The following TEC variants were observed in gnomAD, a reference collection of about 807,000 sequenced individuals.
The protein encoded by TEC is tyrosine-protein kinase Tec.
Under a neutral mutation model 93.0 loss-of-function variants are expected in TEC, and 72 were observed. The observed-to-expected ratio is 0.77, with a 90% CI of 0.64 to 0.94. The LOEUF (loss-of-function observed/expected upper bound fraction) is 0.94, where lower values mean the gene tolerates loss of function less well. TEC is among the 40% of genes least tolerant of loss of function. The pLI is 0.00. For synonymous variants in TEC, 249 were observed against 247.7 expected, an observed-to-expected ratio of 1.01 and a Z score of -0.05; for missense variants, 630 against 757.9, an observed-to-expected ratio of 0.83 and a Z score of 1.98.
chr4:48,139,953 T>A (rs1247766129), intron 15 of TEC, among the ~76,000 whole-genome samples: 1 of 152,174 alleles, frequency 6.6e-6, no homozygotes, highest in East Asian at 1.9e-4. Context: ...GAGTCTGAAT[T>A]TAGGGTATAA....
chr4:48,211,586 A>G (rs1468829195), intron 2 of TEC, among the ~76,000 whole-genome samples: 2 of 152,206 alleles, frequency 1.3e-5, no homozygotes, highest in African/African-American at 4.8e-5. Context: ...ACTAAATTAC[A>G]AATATATTGC....
Position 48,167,963 on chromosome 4 carries a change from G to A in TEC, c.496-10C>T, listed in dbSNP as rs551354875. 1 of 1,612,992 alleles carries A rather than the reference G, an allele frequency of 6.2e-7. No individual in the cohort carries two copies. The highest frequency in any genetic ancestry group is 1.3e-5 in the African/African-American group (1 of 74,930). ...GTGGGGGAGGCCTTCGCTAGACAAG[G>A]AAGATAACATTTGAAAGTTTAGTCT... is the stretch of plus-strand genomic sequence containing the variant. On this transcript the variant is annotated splice_polypyrimidine_tract_variant and intron_variant, in intron 6 of 17. Transcript: ENST00000381501.
At chr4:48,182,926 A>C (rs1244135280) in intron 2 of TEC, among the ~76,000 whole-genome samples, 2 of 152,156 alleles carry the variant, frequency 1.3e-5, no homozygotes, top group Non-Finnish European at 2.9e-5. Flanking sequence ...TCCTTTTCCC[A>C]AGGCATCCAG....
intron 7 of TEC, among the ~76,000 whole-genome samples, chr4:48,164,370 C>T (rs182176366): frequency 7.2e-5 from 11 of 152,080 alleles, no homozygotes; most frequent in African/African-American, 4.8e-5. Flanking sequence ...TATGTGAGGT[C>T]AAAAAATGTC....
chr4:48,194,390 G>A (rs1208812579), intron 2 of TEC, among the ~76,000 whole-genome samples: 1 of 152,168 alleles, frequency 6.6e-6, no homozygotes, highest in African/African-American at 2.4e-5. Flanking sequence ...CATTAACCTG[G>A]TCTTTAAATC....
chr4:48,240,422 A>G (rs1577665723), intron 1 of TEC, among the ~76,000 whole-genome samples: 1 of 152,110 alleles, frequency 6.6e-6, no homozygotes, highest in Non-Finnish European at 1.5e-5. Context: ...CCCAAGGACC[A>G]TTATTACTGC....
At chr4:48,249,297 T>C (rs1724140483) in intron 1 of TEC, among the ~76,000 whole-genome samples, 1 of 152,220 alleles carries the variant, frequency 6.6e-6, no homozygotes, top group African/African-American at 2.4e-5. Flanking sequence ...TAGGTTGCTA[T>C]CTGGTTAATT....
chr4:48,227,154 A>C (rs7655845), intron 2 of TEC, among the ~76,000 whole-genome samples: 338 of 152,306 alleles, frequency 2.2e-3, no homozygotes, highest in African/African-American at 7.9e-3. Flanking sequence ...TATGCTCCTA[A>C]ATTACATGAA....
chr4:48,165,884 T>C (rs370931924), intron 7 of TEC, among the ~76,000 whole-genome samples: 2 of 152,316 alleles, frequency 1.3e-5, no homozygotes, highest in African/African-American at 4.8e-5. Flanking sequence ...AATTACATAA[T>C]TGGTTCCATC....
intron 14 of TEC, among the ~76,000 whole-genome samples, chr4:48,143,439 C>T (rs1001067461): frequency 4.6e-5 from 7 of 152,148 alleles, no homozygotes; most frequent in Admixed American, 3.9e-4. Context: ...TTTTAACTGA[C>T]GAGATGTTCT....
At chr4:48,150,754 T>C in intron 10 of TEC, 109 bp downstream of exon 10, 2 of 734,924 alleles carry the variant, frequency 2.7e-6, no homozygotes, top group South Asian at 3.8e-5. Flanking sequence ...GTTTTCTTTT[T>C]AATGGTGAAA....
At chr4:48,178,148 C>G (rs1721409120) in intron 2 of TEC, among the ~76,000 whole-genome samples, 2 of 150,566 alleles carry the variant, frequency 1.3e-5, no homozygotes, top group Non-Finnish European at 3.0e-5. Context: ...TCTCTATGCC[C>G]AGCCAGGCTT....
At position 48,162,105 on chromosome 4, in the gene TEC, G is replaced by T. The variant is rs555788344; in HGVS notation, c.737+1597C>A. Among the ~76,000 whole-genome samples, 10 of 152,268 alleles carry T rather than the reference G, an allele frequency of 6.6e-5. 1 individual carries two copies. Among genetic ancestry groups the T allele is most frequent in the African/African-American group, 2.4e-4 (10 of 41,556 alleles). ...CTGACTAATACAATTGTGTTACAGG[G>T]TGGGCTTTGGCCAAAACAAAACAAA... On this transcript the variant is annotated intron_variant, in intron 8 of 17. Transcript: ENST00000381501.
At chr4:48,182,727 G>C (rs1721642479) in intron 2 of TEC, among the ~76,000 whole-genome samples, 1 of 152,086 alleles carries the variant, frequency 6.6e-6, no homozygotes, top group Admixed American at 6.6e-5. Context: ...GAGTTAGATG[G>C]ATGAGATTCT....
At chr4:48,186,592 TGAGAA>T (rs1721864616) in intron 2 of TEC, among the ~76,000 whole-genome samples, 1 of 149,512 alleles carries the variant, frequency 6.7e-6, no homozygotes, top group Non-Finnish European at 1.5e-5. Flanking sequence ...CCGCCCCGTC[TGAGAA>T]GTGAGGAGCC....
chr4:48,138,916 C>T lies in TEC; in HGVS notation c.1642G>A (p.Val548Ile), dbSNP rs1250190269. 1.2e-6 allele frequency: 2 copies of T among 1,614,218 alleles called. No individual in the cohort carries two copies. Among genetic ancestry groups the T allele is most frequent in the Non-Finnish European group, 1.7e-6 (2 of 1,180,016 alleles). Reference sequence around the variant, plus strand: ...ACATGGATCTTACCAAATGACCAGACATCTGATTTGCTGCTGAAGCGGCTG... The same window carrying T: ...ACATGGATCTTACCAAATGACCAGATATCTGATTTGCTGCTGAAGCGGCTG... ...NYSRFSSKSD[V>I]WSFGVLMWEV... The change falls in exon 16 of 18, where the codon GTC becomes ATC. Residue 548 changes from valine to isoleucine, a missense_variant. Coordinates refer to ENST00000381501, the MANE Select transcript of TEC (RefSeq NM_003215.3).
At chr4:48,211,960 G>A (rs1480679701) in intron 2 of TEC, among the ~76,000 whole-genome samples, 7 of 151,580 alleles carry the variant, frequency 4.6e-5, no homozygotes, top group African/African-American at 7.3e-5. Flanking sequence ...TTAGCCAGGC[G>A]TGGTGGCACG....
intron 2 of TEC, among the ~76,000 whole-genome samples, chr4:48,185,799 CTCTCCCA>C (rs1342745058): frequency 5.7e-5 from 2 of 34,926 alleles, no homozygotes; most frequent in East Asian, 9.8e-4. Flanking sequence ...CCCCCTCCCC[CTCTCCCA>C]TCTCCCTCCC....
intron 2 of TEC, among the ~76,000 whole-genome samples, chr4:48,192,232 G>T (rs1722117848): frequency 6.6e-6 from 1 of 152,206 alleles, no homozygotes. Context: ...CTGGGTGATA[G>T]AAGCTAGTCT....
Sources: allele counts gnomAD v4.1 joint callset (sites outside exome capture counted in the v4.1 genomes callset), GRCh38; gene constraint gnomAD v4.1.1; transcripts MANE v1.5; gene names NCBI Gene and HGNC (gene_info 2026-07-23, HGNC 2026-07-21).